OLFM1: variants seen among roughly 807,000 people sequenced by gnomAD.
OLFM1 encodes olfactomedin 1, also known as noelin.
A neutral mutation model predicts 49.7 loss-of-function variants in OLFM1; 9 were observed. The ratio of observed to expected loss-of-function variants is 0.18; its 90% CI spans 0.11 to 0.32. The LOEUF is 0.32. Among genes scored for constraint, OLFM1 ranks in the 10% least tolerant of loss-of-function variants. The pLI is 1.00. For missense variants in OLFM1, 369 were observed against 661.8 expected (o/e 0.56, Z 4.85); for synonymous variants, 240 against 271.8 (o/e 0.88, Z 1.15).
chr9:135,087,895 G>C lies in OLFM1; in HGVS notation c.-95G>C. On this transcript the variant is annotated 5_prime_UTR_variant, in exon 1 of 6. Coordinates refer to ENST00000371793, the MANE Select transcript of OLFM1 (RefSeq NM_001282611.2). ...AGGGGGCGCGGGGACACAGCCAGGC[G>C]CCCCTGCCCGCCGCGGTGCCCGCCG... 1 of 1,093,902 alleles carries C rather than the reference G, an allele frequency of 9.1e-7. No individual in the cohort carries two copies. Among genetic ancestry groups the C allele is most frequent in the South Asian group, 3.6e-5 (1 of 27,882 alleles). 67.8% of individuals were successfully genotyped at this position (1,093,902 alleles called of 1,614,324 possible).
At chr9:135,083,901 A>G (rs1830563331), upstream of OLFM1, among the ~76,000 whole-genome samples, 1 of 152,228 alleles carries the variant, frequency 6.6e-6, no homozygotes, top group East Asian at 1.9e-4. Flanking sequence ...ATCGCAGGTC[A>G]CACAGCCACG....
At chr9:135,115,316 G>A (rs1186264209) in intron 5 of OLFM1, among the ~76,000 whole-genome samples, 4 of 152,190 alleles carry the variant, frequency 2.6e-5, no homozygotes, top group South Asian at 2.1e-4. Context: ...GGAGGAGGCC[G>A]GCGAAGCCTT....
At chr9:135,106,934 C>T (rs970942841) in intron 5 of OLFM1, 79 bp downstream of exon 5, 3 of 1,120,502 alleles carry the variant, frequency 2.7e-6, no homozygotes, top group African/African-American at 3.1e-5. Context: ...GACATGGGTA[C>T]AAGCCACGCC....
intron 4 of OLFM1, among the ~76,000 whole-genome samples, chr9:135,103,132 G>A (rs62573449): frequency 0.038 from 5,773 of 152,246 alleles, 192 homozygotes; most frequent in South Asian, 0.09. Flanking sequence ...AGGAGAGAGA[G>A]CCCGTTTGGG....
intron 5 of OLFM1, among the ~76,000 whole-genome samples, chr9:135,114,123 C>CTTT (rs138372395): frequency 0.032 from 2,462 of 75,806 alleles, 535 homozygotes; most frequent in African/African-American, 0.092. Flanking sequence ...TCTTGAGATT[C>CTTT]TTTTTTTTTT....
rs1045495026 is a variant in OLFM1, at chr9:135,113,908, C to T, written c.784-5596C>T. Among the ~76,000 whole-genome samples, 1 of 152,274 alleles carries T rather than the reference C, an allele frequency of 6.6e-6. No individual in the cohort carries two copies. Among genetic ancestry groups the T allele is most frequent in the Non-Finnish European group, 1.5e-5 (1 of 68,012 alleles). On this transcript the variant is annotated intron_variant, in intron 5 of 5. Coordinates refer to ENST00000371793, the MANE Select transcript of OLFM1 (RefSeq NM_001282611.2). This position sits in a 1 kb window ranked among gnomAD's most constrained non-coding sequence, Gnocchi z 4.0. ...AGGCTGGAAGCCCCAGACCAGGGCG[C>T]CTGCAGGGCTGCGCTCTGAAGATGC...
intron 5 of OLFM1, among the ~76,000 whole-genome samples, chr9:135,112,849 A>G (rs1187639829): frequency 6.6e-6 from 1 of 152,152 alleles, no homozygotes; most frequent in Non-Finnish European, 1.5e-5. Context: ...GAGGGGGAGA[A>G]GGAAGGGGGA....
chr9:135,109,213 C>T (rs1208693783), intron 5 of OLFM1, among the ~76,000 whole-genome samples: 1 of 152,196 alleles, frequency 6.6e-6, no homozygotes, highest in Non-Finnish European at 1.5e-5. Flanking sequence ...GTTTTTGTAT[C>T]ACCTTCCTTT....
chr9:135,084,622 C>T (rs908386563), upstream of OLFM1, among the ~76,000 whole-genome samples: 1 of 151,264 alleles, frequency 6.6e-6, no homozygotes, highest in East Asian at 1.9e-4. The surrounding 1 kb of genome is among the most constrained non-coding windows in gnomAD (Gnocchi z 4.6). Flanking sequence ...CTCCCCTTCT[C>T]CCTCCCTTTC....
chr9:135,104,302 A>G (rs904660530), intron 4 of OLFM1, among the ~76,000 whole-genome samples: 1 of 152,228 alleles, frequency 6.6e-6, no homozygotes, highest in African/African-American at 2.4e-5. Flanking sequence ...GTGAACCAGC[A>G]GGGCGGGGCT....
chr9:135,096,663 G>T (rs937820194), intron 3 of OLFM1, among the ~76,000 whole-genome samples: 25 of 152,206 alleles, frequency 1.6e-4, no homozygotes, highest in African/African-American at 5.1e-4. Flanking sequence ...CATCGTTATT[G>T]GCCCTTGTCA....
At position 135,113,935 on chromosome 9, in the gene OLFM1, A is replaced by G. The variant is rs1831058576; in HGVS notation, c.784-5569A>G. Among the ~76,000 whole-genome samples the G allele has an allele frequency of 6.6e-6, 1 of 152,098 alleles. No homozygotes were observed. Among genetic ancestry groups the G allele is most frequent in the East Asian group, 1.9e-4 (1 of 5,156 alleles). ...TGCAGGGCTGCGCTCTGAAGATGCC[A>G]GGGGAGGACCCTCCTGCCTCGTCTC... On this transcript the variant is annotated intron_variant, in intron 5 of 5. Coordinates refer to ENST00000371793, the MANE Select transcript of OLFM1 (RefSeq NM_001282611.2). The surrounding 1 kb of genome is among the most constrained non-coding windows in gnomAD (Gnocchi z 4.0).
upstream of OLFM1, among the ~76,000 whole-genome samples, chr9:135,084,380 T>G (rs533970452): frequency 6.7e-6 from 1 of 149,376 alleles, no homozygotes. The surrounding 1 kb of genome is among the most constrained non-coding windows in gnomAD (Gnocchi z 4.6). Flanking sequence ...CTTCTCTCTC[T>G]CCTCTCTGTC....
chr9:135,077,082 G>T (rs1185833423), intron 1 of OLFM1: 1 of 1,550,096 alleles, frequency 6.5e-7, no homozygotes. Flanking sequence ...AGGTTTTCTT[G>T]GCCCCAGGAA....
intron 2 of OLFM1, among the ~76,000 whole-genome samples, chr9:135,093,507 G>A (rs535852264): frequency 5.7e-4 from 87 of 152,320 alleles, no homozygotes; most frequent in Non-Finnish European, 7.5e-4. Context: ...CAGACTCAGT[G>A]CAGTGCCTGG....
At chr9:135,075,683 G>A (rs763460252) in exon 1 of OLFM1, 3 of 1,547,018 alleles carry the variant, frequency 1.9e-6, no homozygotes, top group Non-Finnish European at 2.6e-6. Flanking sequence ...GCAGCCGCCG[G>A]CCGGCCAGCA....
At chr9:135,100,947 A>T (rs62573447) in intron 4 of OLFM1, among the ~76,000 whole-genome samples, 2,162 of 151,068 alleles carry the variant, frequency 0.014, 32 homozygotes, top group Non-Finnish European at 0.018. Flanking sequence ...ATTGATTGAT[A>T]GATGATTGAC....
intron 3 of OLFM1, chr9:135,097,871 G>A: frequency 6.3e-7 from 1 of 1,594,358 alleles, no homozygotes; most frequent in Non-Finnish European, 8.5e-7. Context: ...AGAGCTTTTT[G>A]CACCATGCAT....
chr9:135,082,434 G>C (rs895325644), intron 1 of OLFM1, among the ~76,000 whole-genome samples: 1 of 152,256 alleles, frequency 6.6e-6, no homozygotes, highest in African/African-American at 2.4e-5. Context: ...TCCCCCACTT[G>C]CTTCTGGTGA....
Sources: gnomAD v4.1 joint callset for allele counts (sites outside exome capture counted in the v4.1 genomes callset) on GRCh38, gnomAD v4.1.1 for gene constraint, Gnocchi (gnomAD v3.1) non-coding constraint, MANE v1.5 for transcripts, NCBI Gene and HGNC (gene_info 2026-07-23, HGNC 2026-07-21) for gene names.